Variants in CHN1 observed in about 807,000 individuals in gnomAD.
CHN1 encodes the protein chimerin 1.
A neutral mutation model predicts 59.5 loss-of-function variants in CHN1; 37 were observed. The ratio of observed to expected loss-of-function variants is 0.62; its 90% CI spans 0.48 to 0.82. The LOEUF (loss-of-function observed/expected upper bound fraction) is 0.82. CHN1 is among the 40% of genes least tolerant of loss of function. The pLI, the probability that CHN1 is intolerant of heterozygous loss-of-function variation, is 0.00. For missense variants in CHN1, 469 were observed against 571.0 expected (o/e 0.82, Z 1.82); for synonymous variants, 206 against 200.4 (o/e 1.03, Z -0.24).
At chr2:174,862,273 C>A (rs1687089282) in intron 6 of CHN1, among the ~76,000 whole-genome samples, 1 of 151,568 alleles carries the variant, frequency 6.6e-6, no homozygotes, top group Non-Finnish European at 1.5e-5. Flanking sequence ...TTGTTGGTTT[C>A]ATTTTTCAGG....
At chr2:175,002,647 C>T (rs564803302) in intron 1 of CHN1, among the ~76,000 whole-genome samples, 1 of 152,306 alleles carries the variant, frequency 6.6e-6, no homozygotes, top group East Asian at 1.9e-4. Context: ...CTGGACTGCA[C>T]TAACTAATCA....
At chr2:174,902,498 A>G (rs1688418308) in intron 5 of CHN1, among the ~76,000 whole-genome samples, 1 of 152,186 alleles carries the variant, frequency 6.6e-6, no homozygotes, top group Non-Finnish European at 1.5e-5. Flanking sequence ...TACTGTCATC[A>G]TGTGTTATCA....
In CHN1 at chr2:174,852,303, G is replaced by A. The variant is rs56028415; in HGVS notation, c.550-5346C>T. The stretch of plus-strand genomic sequence containing the variant: ...CTGTCTCAAAAAAACAAACAAAACC[G>A]GTAACGAAAACATAATCCCATTTAA... On this transcript the variant is annotated intron_variant, in intron 6 of 12. Coordinates refer to ENST00000409900, the MANE Select transcript of CHN1 (RefSeq NM_001822.7). Among the ~76,000 whole-genome samples the A allele has an allele frequency of 9.7e-3, 1,466 of 151,698 alleles. 30 individuals carry two copies. The highest frequency in any genetic ancestry group is 0.034 in the African/African-American group (1,400 of 41,358).
At position 175,001,104 on chromosome 2, in the gene CHN1, C is replaced by A. The variant is rs532235382; in HGVS notation, c.19+3790G>T. ...CTGACTAAAATATTAAGTTTTGACA[C>A]CAGTACAAGAAGGAACATGGACAAA... On this transcript the variant is annotated intron_variant, in intron 1 of 12. Transcript: ENST00000409900. Among the ~76,000 whole-genome samples, 4 of 152,172 alleles carry A rather than the reference C, an allele frequency of 2.6e-5. No homozygotes were observed. The East Asian group carries it at 7.7e-4, about 29-fold the overall frequency.
At chr2:174,845,349 T>C (rs1029103193) in intron 7 of CHN1, among the ~76,000 whole-genome samples, 6 of 152,168 alleles carry the variant, frequency 3.9e-5, no homozygotes, top group Admixed American at 3.3e-4. Context: ...GACTTCTTTT[T>C]TGACATAACT....
intron 11 of CHN1, among the ~76,000 whole-genome samples, chr2:174,806,457 T>C (rs1684887954): frequency 6.6e-6 from 1 of 152,192 alleles, no homozygotes; most frequent in South Asian, 2.1e-4. Flanking sequence ...GGAGAATATA[T>C]CCGCATTAGG....
chr2:174,866,454 C>A (rs1687218146), intron 6 of CHN1, among the ~76,000 whole-genome samples: 3 of 151,930 alleles, frequency 2.0e-5, no homozygotes, highest in Admixed American at 2.0e-4. Flanking sequence ...ACAGAAAAAA[C>A]CCATCCCCTT....
chr2:174,817,858 C>G (rs71417501), intron 8 of CHN1, among the ~76,000 whole-genome samples: 6 of 152,148 alleles, frequency 3.9e-5, no homozygotes, highest in African/African-American at 1.4e-4. Context: ...AGGATGGTCT[C>G]GATCTCCTGA....
intron 3 of CHN1, among the ~76,000 whole-genome samples, chr2:174,933,396 T>C (rs1365302255): frequency 6.6e-6 from 1 of 151,840 alleles, no homozygotes; most frequent in Admixed American, 6.6e-5. Flanking sequence ...AATAAAAGAA[T>C]GTAGTATCCT....
intron 7 of CHN1, among the ~76,000 whole-genome samples, chr2:174,843,582 G>A (rs893436921): frequency 6.6e-6 from 1 of 151,922 alleles, no homozygotes; most frequent in African/African-American, 2.4e-5. Flanking sequence ...CTGACAACTA[G>A]GCACAGTCCC....
intron 5 of CHN1, among the ~76,000 whole-genome samples, chr2:174,878,336 C>T (rs558580585): frequency 1.3e-5 from 2 of 152,202 alleles, no homozygotes; most frequent in South Asian, 4.2e-4. Flanking sequence ...TAATTAGGGA[C>T]AACTAGTCAA....
At chr2:174,999,801 G>A (rs1326034865) in intron 1 of CHN1, among the ~76,000 whole-genome samples, 1 of 152,228 alleles carries the variant, frequency 6.6e-6, no homozygotes, top group Non-Finnish European at 1.5e-5. Context: ...AAAAGGCCGG[G>A]AGAGGGAGGA....
intron 1 of CHN1, among the ~76,000 whole-genome samples, chr2:174,973,185 T>C (rs1387596586): frequency 6.6e-6 from 1 of 152,214 alleles, no homozygotes; most frequent in African/African-American, 2.4e-5. Flanking sequence ...CACAGTTGAA[T>C]GGGCTACTGT....
intron 6 of CHN1, among the ~76,000 whole-genome samples, chr2:174,866,445 C>G (rs1456368118): frequency 6.6e-6 from 1 of 151,976 alleles, no homozygotes; most frequent in Non-Finnish European, 1.5e-5. Context: ...AAATAAAACA[C>G]AGAAAAAACC....
In CHN1 at chr2:174,918,216, G is replaced by T. The variant is rs534959641; in HGVS notation, c.146+318C>A. Among the ~76,000 whole-genome samples the T allele has an allele frequency of 2.6e-5, 4 of 151,982 alleles. No individual in the cohort carries two copies. The East Asian group carries it at 5.8e-4, about 22-fold the overall frequency. On this transcript the variant is annotated intron_variant, in intron 4 of 12. Transcript: ENST00000409900. ...TGTACATACATGTGTGTGTATATAC[G>T]TATCTATATACCTAATATATATGTA...
intron 6 of CHN1, among the ~76,000 whole-genome samples, chr2:174,856,383 G>A (rs747484802): frequency 5.3e-5 from 8 of 151,994 alleles, no homozygotes; most frequent in Non-Finnish European, 7.4e-5. Flanking sequence ...ATCCATCTCC[G>A]TATATAATAA....
chr2:174,927,508 C>T (rs566201213), intron 3 of CHN1, among the ~76,000 whole-genome samples: 10 of 152,318 alleles, frequency 6.6e-5, no homozygotes, highest in African/African-American at 2.2e-4. Context: ...TTTGAAAACA[C>T]TAGAAATAAG....
At chr2:174,800,750 G>A (rs1418848227) in intron 12 of CHN1, among the ~76,000 whole-genome samples, 1 of 152,186 alleles carries the variant, frequency 6.6e-6, no homozygotes, top group Non-Finnish European at 1.5e-5. Context: ...CAATGGGTAG[G>A]CACCATCGTC....
chr2:174,917,037 C>T (rs11885109), intron 4 of CHN1, among the ~76,000 whole-genome samples: 3,933 of 152,220 alleles, frequency 0.026, 193 homozygotes, highest in African/African-American at 0.09. Context: ...ACTAAAAACA[C>T]AAAGAATTAG....
Sources: gnomAD v4.1 joint callset for allele counts (sites outside exome capture counted in the v4.1 genomes callset) on GRCh38, gnomAD v4.1.1 for gene constraint, MANE v1.5 for transcripts, NCBI Gene and HGNC (gene_info 2026-07-23, HGNC 2026-07-21) for gene names.